Variants in JAM2 observed in about 807,000 individuals in gnomAD.
JAM2 encodes junctional adhesion molecule 2.
A neutral mutation model predicts 42.0 loss-of-function variants in JAM2; 17 were observed. The observed-to-expected ratio is 0.40, with a 90% confidence interval of 0.28 to 0.61. The LOEUF (loss-of-function observed/expected upper bound fraction) is 0.61. Ranked by LOEUF, JAM2 falls within the 20% of genes least tolerant of loss-of-function variation. The probability of loss-of-function intolerance (pLI) is 0.37; values close to 1 mark genes in which losing one functional copy is unlikely to be tolerated. For synonymous variants in JAM2, 118 were observed against 128.6 expected (o/e 0.92, Z 0.56); for missense variants, 319 against 358.3 (o/e 0.89, Z 0.89).
intron 3 of JAM2, 53 bp downstream of exon 3, chr21:25,690,026 C>A: frequency 3.6e-6 from 4 of 1,099,784 alleles, no homozygotes; most frequent in Non-Finnish European, 4.2e-6. Flanking sequence ...CAAGTACAAC[C>A]AGGATCCTTT....
chr21:25,703,899 C>A (rs1242127420), intron 6 of JAM2, among the ~76,000 whole-genome samples: 1 of 152,062 alleles, frequency 6.6e-6, no homozygotes, highest in Non-Finnish European at 1.5e-5. Flanking sequence ...TAACTTACTC[C>A]TTATCTATTA....
chr21:25,694,835 C>CAAA (rs778496287), intron 4 of JAM2, among the ~76,000 whole-genome samples: 7 of 130,000 alleles, frequency 5.4e-5, no homozygotes, highest in South Asian at 2.5e-4. Flanking sequence ...AGGACTTTCT[C>CAAA]AAAAAAAAAA....
In JAM2 at chr21:25,693,781, G is replaced by A. The variant is rs1010357203; in HGVS notation, c.267G>A (p.Met89Ile). 1 of 1,613,878 alleles carries A rather than the reference G, an allele frequency of 6.2e-7. No homozygotes were observed. Among genetic ancestry groups the A allele is most frequent in the Non-Finnish European group, 8.5e-7 (1 of 1,179,862 alleles). Reference protein sequence around the residue: ...LQGDFKNRAEMIDFNIRIKNV... With the variant: ...LQGDFKNRAEIIDFNIRIKNV... The stretch of plus-strand genomic sequence containing the variant: ...GTGATTTTAAAAATCGAGCTGAGAT[G>A]ATAGATTTCAATATCCGGATCAAAA... Residue 89 changes from methionine to isoleucine, a missense_variant, in exon 4 of 10, where the codon ATG (methionine) becomes ATA (isoleucine). Met to Ile is a conservative substitution (Grantham distance 10). Coordinates refer to ENST00000480456, the MANE Select transcript of JAM2 (RefSeq NM_021219.4).
intron 1 of JAM2, 27 bp downstream of exon 1, chr21:25,639,915 T>A (rs1402563939): frequency 6.5e-7 from 1 of 1,528,726 alleles, no homozygotes; most frequent in Non-Finnish European, 8.9e-7. Context: ...CCTCTACCCT[T>A]CCTGCCTGGA....
At chr21:25,656,032 T>G (rs1358327700) in intron 1 of JAM2, among the ~76,000 whole-genome samples, 1 of 151,384 alleles carries the variant, frequency 6.6e-6, no homozygotes, top group Non-Finnish European at 1.5e-5. Flanking sequence ...ATCCACTGCA[T>G]AGGAGCTACA....
Position 25,712,387 on chromosome 21 carries a change from G to C in JAM2, c.864+5G>C, listed in dbSNP as rs200085302. On this transcript the variant is annotated splice_donor_5th_base_variant and intron_variant, in intron 9 of 9. Coordinates refer to ENST00000480456, the MANE Select transcript of JAM2 (RefSeq NM_021219.4). The stretch of plus-strand genomic sequence containing the variant: ...GCCACGACAATGAGTGAAAATGTGA[G>C]TATCTTTAAAGCATATTTATAGAAT... The C allele has an allele frequency of 6.3e-7, 1 of 1,575,322 alleles. No individual in the cohort carries two copies. Among genetic ancestry groups the C allele is most frequent in the Non-Finnish European group, 8.7e-7 (1 of 1,145,798 alleles).
rs1311949044 is a variant in JAM2, at chr21:25,660,759, CATATATATATAT to C, written c.67+20884_67+20895del. Among the ~76,000 whole-genome samples, 8 of 53,452 alleles carry C rather than the reference CATATATATATAT, an allele frequency of 1.5e-4. No homozygotes were observed. The South Asian group carries it at 5.9e-3, about 39-fold the overall frequency. 35.1% of individuals were successfully genotyped at this position (53,452 alleles called of 152,430 possible). ...TTTGTATTCTAATGCTCACAATAAC[CATATATATATAT>C]ATATATATATATTTTTTTTTTTTTT... On this transcript the variant is annotated intron_variant, in intron 1 of 9. Coordinates refer to ENST00000480456, the MANE Select transcript of JAM2 (RefSeq NM_021219.4).
chr21:25,697,573 A>G (rs2034065611), intron 4 of JAM2, among the ~76,000 whole-genome samples: 1 of 152,106 alleles, frequency 6.6e-6, no homozygotes, highest in Admixed American at 6.5e-5. Flanking sequence ...TCTAGACAGA[A>G]TGGGATTTAT....
chr21:25,642,165 A>G (rs1271604269), intron 1 of JAM2, among the ~76,000 whole-genome samples: 3 of 151,752 alleles, frequency 2.0e-5, no homozygotes, highest in Admixed American at 1.3e-4. Context: ...CTTCATTTCC[A>G]TACTAGATTT....
chr21:25,672,986 G>T (rs1262368166), intron 1 of JAM2, among the ~76,000 whole-genome samples: 1 of 152,164 alleles, frequency 6.6e-6, no homozygotes. Flanking sequence ...TAGTCTACTA[G>T]ATTTGAATTG....
At chr21:25,645,287 A>G (rs1399770801) in intron 1 of JAM2, among the ~76,000 whole-genome samples, 3 of 152,246 alleles carry the variant, frequency 2.0e-5, no homozygotes, top group Admixed American at 6.5e-5. Flanking sequence ...GTGATCTTAT[A>G]CAGGTTAACA....
chr21:25,666,315 T>TCTATTATTATTATTATTATTA (rs1555862733), intron 1 of JAM2, among the ~76,000 whole-genome samples: 2 of 146,562 alleles, frequency 1.4e-5, no homozygotes, highest in African/African-American at 5.1e-5. Context: ...TGTTACGGCT[T>TCTATTATTATTATTATTATTA]TTATTATTAT....
Position 25,709,453 on chromosome 21 carries a change from A to T in JAM2, c.821+4A>T. ...TTGTAGAAGAAACCTCCTTCCAGTAAGTATACTTTCCTACAATGCATGTCT... is the reference window on the plus strand; with the variant it reads ...TTGTAGAAGAAACCTCCTTCCAGTATGTATACTTTCCTACAATGCATGTCT... On this transcript the variant is annotated splice_donor_region_variant and intron_variant, in intron 8 of 9. Coordinates refer to ENST00000480456, the MANE Select transcript of JAM2 (RefSeq NM_021219.4). 1 of 1,443,910 alleles carries T rather than the reference A, an allele frequency of 6.9e-7. No individual in the cohort carries two copies. Among genetic ancestry groups the T allele is most frequent in the Non-Finnish European group, 9.6e-7 (1 of 1,042,272 alleles). The allele number at this position is 1,443,910 out of a possible 1,614,324, so 89.4% of individuals were successfully genotyped here.
intron 1 of JAM2, among the ~76,000 whole-genome samples, chr21:25,681,165 TTACATCATGTA>T (rs1334726227): frequency 6.6e-6 from 1 of 152,222 alleles, no homozygotes; most frequent in African/African-American, 2.4e-5. Context: ...TAATTCATTC[TTACATCATGTA>T]TAATTTTTTG....
At chr21:25,669,997 T>C (rs571073761) in intron 1 of JAM2, among the ~76,000 whole-genome samples, 1 of 152,234 alleles carries the variant, frequency 6.6e-6, no homozygotes, top group Non-Finnish European at 1.5e-5. Context: ...TAAGATTATG[T>C]GCTAAGGCTG....
intron 3 of JAM2, among the ~76,000 whole-genome samples, chr21:25,691,312 G>A (rs1005121577): frequency 2.0e-5 from 3 of 152,176 alleles, no homozygotes; most frequent in African/African-American, 7.2e-5. Flanking sequence ...TTTTGTAGTT[G>A]CCATTTCTGG....
chr21:25,708,417 AAT>A (rs1409188099), intron 7 of JAM2, among the ~76,000 whole-genome samples: 15 of 152,230 alleles, frequency 9.9e-5, no homozygotes, highest in African/African-American at 2.6e-4. Flanking sequence ...AAAAATAAAA[AAT>A]AAGCCAGGCA....
At chr21:25,707,013 C>G (rs1401973045) in intron 7 of JAM2, among the ~76,000 whole-genome samples, 1 of 152,182 alleles carries the variant, frequency 6.6e-6, no homozygotes, top group Non-Finnish European at 1.5e-5. Flanking sequence ...GCTGGGATAA[C>G]AGGTGTGAGC....
At chr21:25,679,676 A>G (rs1052935895) in intron 1 of JAM2, among the ~76,000 whole-genome samples, 2 of 152,170 alleles carry the variant, frequency 1.3e-5, no homozygotes, top group African/African-American at 2.4e-5. Flanking sequence ...TTGGTGTCCT[A>G]CTTTCCTAGA....
Sources: allele counts gnomAD v4.1 joint callset (sites outside exome capture counted in the v4.1 genomes callset), GRCh38; gene constraint gnomAD v4.1.1; transcripts MANE v1.5; gene names NCBI Gene and HGNC (gene_info 2026-07-23, HGNC 2026-07-21).